Variants in PTBP3 observed in about 807,000 individuals in gnomAD.
PTBP3 encodes polypyrimidine tract-binding protein 3.
A neutral mutation model predicts 58.7 loss-of-function variants in PTBP3; 20 were observed. The observed-to-expected ratio is 0.34, with a 90% CI of 0.24 to 0.50. The LOEUF (loss-of-function observed/expected upper bound fraction) is 0.50, where lower values mean the gene tolerates loss of function less well. Among genes scored for constraint, PTBP3 ranks in the 20% least tolerant of loss-of-function variants. The pLI is 0.98. For synonymous variants in PTBP3, 185 were observed against 219.8 expected, an observed-to-expected ratio of 0.84 and a Z score of 1.40; for missense variants, 509 against 637.2, an observed-to-expected ratio of 0.80 and a Z score of 2.17.
At chr9:112,320,291 A>AAATATATATATAT (rs1411646280) in intron 1 of PTBP3, among the ~76,000 whole-genome samples, 1 of 73,568 alleles carries the variant, frequency 1.4e-5, no homozygotes, top group Non-Finnish European at 2.2e-5. Flanking sequence ...AAAAAAAAAA[A>AAATATATATATAT]ATATATATAT....
chr9:112,355,776 C>T, the PTBP3 span, among the ~76,000 whole-genome samples: 1 of 151,854 alleles, frequency 6.6e-6, no homozygotes, highest in Non-Finnish European at 1.5e-5. Flanking sequence ...TGCGCCACCG[C>T]GCCTGGCTAA....
chr9:112,234,982 A>G, intron 7 of PTBP3, 85 bp from the exon 8 acceptor site: 3 of 1,104,174 alleles, frequency 2.7e-6, no homozygotes, highest in South Asian at 1.4e-5. Flanking sequence ...CTATGAAAGT[A>G]TATTACTAAC....
At chr9:112,361,742 C>A in the PTBP3 span, among the ~76,000 whole-genome samples, 1 of 152,068 alleles carries the variant, frequency 6.6e-6, no homozygotes, top group Non-Finnish European at 1.5e-5. Flanking sequence ...GGTATACATA[C>A]CAAAAAGTGG....
the PTBP3 span, among the ~76,000 whole-genome samples, chr9:112,344,957 A>AC: frequency 2.0e-5 from 3 of 151,746 alleles, no homozygotes; most frequent in African/African-American, 7.3e-5. Context: ...ACATGGAGAA[A>AC]CCCCCATCTC....
chr9:112,290,363 G>A (rs143611849), intron 2 of PTBP3, among the ~76,000 whole-genome samples: 1 of 151,994 alleles, frequency 6.6e-6, no homozygotes, highest in Admixed American at 6.6e-5. Context: ...ATGCTTACCA[G>A]AACAACTAAA....
upstream of PTBP3, among the ~76,000 whole-genome samples, chr9:112,337,540 T>A (rs866442749): frequency 6.6e-6 from 1 of 152,200 alleles, no homozygotes; most frequent in Non-Finnish European, 1.5e-5. Flanking sequence ...CATGACCTGG[T>A]TTGACCTGAA....
At chr9:112,350,261 A>G in the PTBP3 span, among the ~76,000 whole-genome samples, 1 of 152,184 alleles carries the variant, frequency 6.6e-6, no homozygotes, top group South Asian at 2.1e-4. Context: ...AAGACTACAC[A>G]TTGGGTTCAG....
intron 5 of PTBP3, among the ~76,000 whole-genome samples, chr9:112,260,630 G>A (rs1004379586): frequency 1.3e-5 from 2 of 152,304 alleles, no homozygotes; most frequent in Non-Finnish European, 2.9e-5. Flanking sequence ...ACTAAGCAGG[G>A]GAATAGGGAA....
intron 2 of PTBP3, among the ~76,000 whole-genome samples, chr9:112,288,963 C>A (rs961852088): frequency 6.6e-6 from 1 of 152,138 alleles, no homozygotes; most frequent in Non-Finnish European, 1.5e-5. Flanking sequence ...GCCTTCAATA[C>A]CAGTGGCAGA....
At chr9:112,287,319 T>G (rs1260721337) in intron 2 of PTBP3, among the ~76,000 whole-genome samples, 1 of 149,162 alleles carries the variant, frequency 6.7e-6, no homozygotes, top group African/African-American at 2.5e-5. Flanking sequence ...TAAGGCTCTG[T>G]TCACTTCTTT....
the PTBP3 span, among the ~76,000 whole-genome samples, chr9:112,352,365 ATCT>A: frequency 6.6e-6 from 1 of 152,028 alleles, no homozygotes; most frequent in African/African-American, 2.4e-5. Context: ...TAGGATTTTA[ATCT>A]TCTAGTGCTT....
At chr9:112,328,158 G>A (rs1476749441) in intron 1 of PTBP3, among the ~76,000 whole-genome samples, 1 of 152,216 alleles carries the variant, frequency 6.6e-6, no homozygotes. Context: ...GCCACTGGCT[G>A]AAACCATTTG....
intron 7 of PTBP3, among the ~76,000 whole-genome samples, chr9:112,239,351 G>T (rs1309542331): frequency 6.6e-6 from 1 of 152,132 alleles, no homozygotes; most frequent in East Asian, 1.9e-4. Context: ...CTGCCCTGGT[G>T]AAGTTTGAGA....
chr9:112,258,203 A>C (rs2132111910), intron 5 of PTBP3, among the ~76,000 whole-genome samples: 1 of 152,314 alleles, frequency 6.6e-6, no homozygotes, highest in East Asian at 1.9e-4. Flanking sequence ...AACCATTCCC[A>C]TGTATAACAG....
At chr9:112,226,384 C>T (rs1310947730) in intron 12 of PTBP3, among the ~76,000 whole-genome samples, 5 of 152,118 alleles carry the variant, frequency 3.3e-5, no homozygotes, top group African/African-American at 1.2e-4. Flanking sequence ...TTCCAGACTT[C>T]ACCCCTCTCT....
chr9:112,297,353 C>T (rs954971920), intron 2 of PTBP3, among the ~76,000 whole-genome samples: 5 of 152,090 alleles, frequency 3.3e-5, no homozygotes, highest in African/African-American at 9.7e-5. Context: ...TACAGGTTCC[C>T]GCCATCACAC....
At chr9:112,307,237 G>A (rs1372705074) in intron 1 of PTBP3, among the ~76,000 whole-genome samples, 1 of 152,144 alleles carries the variant, frequency 6.6e-6, no homozygotes, top group East Asian at 1.9e-4. Context: ...GGGATCACTT[G>A]AGCTCAGGAG....
chr9:112,273,699 G>A (rs747475336), intron 3 of PTBP3, among the ~76,000 whole-genome samples: 11 of 152,058 alleles, frequency 7.2e-5, no homozygotes, highest in Non-Finnish European at 1.5e-4. Context: ...ACAGAGTGGA[G>A]AGACAGCCAA....
the PTBP3 span, among the ~76,000 whole-genome samples, chr9:112,378,671 A>T: frequency 6.6e-6 from 1 of 152,228 alleles, no homozygotes; most frequent in Non-Finnish European, 1.5e-5. Flanking sequence ...GCTTAACAAC[A>T]GTCTAAAGAA....
Sources: gnomAD v4.1 joint callset for allele counts (sites outside exome capture counted in the v4.1 genomes callset) on GRCh38, gnomAD v4.1.1 for gene constraint, MANE v1.5 for transcripts, NCBI Gene and HGNC (gene_info 2026-07-23, HGNC 2026-07-21) for gene names.